Variants in TRMT10A observed in about 807,000 individuals in gnomAD.
TRMT10A encodes tRNA methyltransferase 10 homolog A.
TRMT10A carries 37 observed loss-of-function variants against 40.4 expected under a neutral mutation model. That is an observed-to-expected ratio of 0.92 (90% CI 0.71 to 1.21). TRMT10A has a LOEUF of 1.21. Among genes scored for constraint, TRMT10A ranks in the 50% most tolerant of loss-of-function variants. The pLI is 0.00. For missense variants in TRMT10A, 388 were observed against 404.3 expected (o/e 0.96, Z 0.35); for synonymous variants, 103 against 134.1 (o/e 0.77, Z 1.60).
At position 99,564,037 on chromosome 4, in the gene TRMT10A, AG is replaced by A. The variant is rs550883140; in HGVS notation, c.-149del. The A allele has an allele frequency of 1.2e-3, 1,831 of 1,527,764 alleles. 13 individuals carry two copies. In the African/African-American group the frequency reaches 0.019, roughly 16 times the overall value. The allele number at this position is 1,527,764 out of a possible 1,614,324, so 94.6% of individuals were successfully genotyped here. Reference sequence around the variant, plus strand: ...CCAGAGGCAGGGGCGGTAGTTACGCAGTGGAGGCTACGGCGGTTGCGTCTTA... The same window carrying A: ...CCAGAGGCAGGGGCGGTAGTTACGCATGGAGGCTACGGCGGTTGCGTCTTA... On this transcript the variant is annotated 5_prime_UTR_variant, in exon 1 of 8. It adds an upstream start codon to the 5' untranslated region. Transcript: ENST00000394876.
chr4:99,559,262 T>C lies in TRMT10A; in HGVS notation c.77A>G (p.Glu26Gly), dbSNP rs1560603452. 1 of 1,613,666 alleles carries C rather than the reference T, an allele frequency of 6.2e-7. No individual in the cohort carries two copies. The highest frequency in any genetic ancestry group is 1.7e-5 in the Admixed American group (1 of 60,022). ...ACCTAATCTTGGCTTCTGGCTCTCC[T>C]CTTGATCTTCATTTATGCCTTGCTT... is the stretch of plus-strand genomic sequence containing the variant. Reference protein sequence around the residue: ...DKKQGINEDQEESQKPRLGEG... With the variant: ...DKKQGINEDQGESQKPRLGEG... The change falls in exon 2 of 8, where the codon GAG becomes GGG. Residue 26 changes from glutamate to glycine, a missense_variant. Coordinates refer to ENST00000394876, the MANE Select transcript of TRMT10A (RefSeq NM_001134665.3).
At chr4:99,554,039 G>T in intron 5 of TRMT10A, 105 bp from the exon 6 acceptor site, 1 of 1,167,098 alleles carries the variant, frequency 8.6e-7, no homozygotes, top group South Asian at 1.4e-5. Flanking sequence ...AAAAATATAT[G>T]AAACAAAGTT....
At position 99,562,515 on chromosome 4, in the gene TRMT10A, CTTTTTT is replaced by C. The variant is rs67816425; in HGVS notation, c.-24+1392_-24+1397del. The stretch of plus-strand genomic sequence containing the variant: ...CTTGACAGCGATAGCAAAGGAATGC[CTTTTTT>C]TTTTTTTTTTTTTTTTTTTTTTGAG... On this transcript the variant is annotated intron_variant, in intron 1 of 7. Transcript: ENST00000394876. Among the ~76,000 whole-genome samples, 133 of 76,658 alleles carry C rather than the reference CTTTTTT, an allele frequency of 1.7e-3. 1 individual carries two copies. Among genetic ancestry groups the C allele is most frequent in the African/African-American group, 6.8e-3 (115 of 16,822 alleles). 50.3% of individuals were successfully genotyped at this position (76,658 alleles called of 152,430 possible). A position where few individuals can be genotyped will look rare whatever the true frequency, so the allele number is the denominator to read the frequency against.
chr4:99,563,347 A>C (rs1222500641), intron 1 of TRMT10A: 1 of 153,436 alleles, frequency 6.5e-6, no homozygotes, highest in Non-Finnish European at 1.5e-5. Flanking sequence ...TCTTTATAAA[A>C]CTGTCCTCAG....
intron 6 of TRMT10A, among the ~76,000 whole-genome samples, chr4:99,553,576 G>C (rs768245167): frequency 6.6e-6 from 1 of 152,126 alleles, no homozygotes; most frequent in African/African-American, 2.4e-5. Context: ...CTTGTGGAAC[G>C]TAAATAATAA....
chr4:99,560,701 C>G (rs570225482), intron 1 of TRMT10A, among the ~76,000 whole-genome samples: 96 of 152,066 alleles, frequency 6.3e-4, no homozygotes, highest in African/African-American at 2.1e-3. Context: ...ATTTTGATCC[C>G]CTGGATCACT....
At chr4:99,563,458 G>A (rs1317669646) in intron 1 of TRMT10A, 1 of 170,046 alleles carries the variant, frequency 5.9e-6, no homozygotes, top group Admixed American at 5.9e-5. Flanking sequence ...CAGCTTTAAA[G>A]AGGTAAAGCC....
At chr4:99,557,719 T>A in intron 3 of TRMT10A, 1 of 398,694 alleles carries the variant, frequency 2.5e-6, no homozygotes, top group Non-Finnish European at 4.5e-6. Context: ...TATTACTATT[T>A]TCATGTTTTA....
chr4:99,556,538 C>CT (rs67490132), intron 4 of TRMT10A, among the ~76,000 whole-genome samples: 29,626 of 151,702 alleles, frequency 0.2, 2,982 homozygotes, highest in South Asian at 0.3. Context: ...TCCCACTCCT[C>CT]TTTTTTTTAA....
chr4:99,551,642 G>A (rs964573242), intron 6 of TRMT10A, among the ~76,000 whole-genome samples: 7 of 151,542 alleles, frequency 4.6e-5, no homozygotes, highest in African/African-American at 1.7e-4. Flanking sequence ...ACTTTTTATC[G>A]TTAGAGTGTA....
intron 1 of TRMT10A, among the ~76,000 whole-genome samples, chr4:99,563,145 C>T (rs1288770363): frequency 6.6e-6 from 1 of 152,158 alleles, no homozygotes; most frequent in East Asian, 1.9e-4. Context: ...AAAAGACATG[C>T]GGACTAAACG....
At chr4:99,550,526 A>G (rs1361835210) in intron 7 of TRMT10A, among the ~76,000 whole-genome samples, 1 of 152,200 alleles carries the variant, frequency 6.6e-6, no homozygotes, top group Non-Finnish European at 1.5e-5. Context: ...GACATAAAAA[A>G]TAAAGTAATA....
intron 6 of TRMT10A, among the ~76,000 whole-genome samples, chr4:99,551,918 A>G (rs1723979695): frequency 6.7e-6 from 1 of 148,688 alleles, no homozygotes; most frequent in African/African-American, 2.5e-5. Context: ...TGAAAAAAAA[A>G]GAGGAAAATT....
chr4:99,557,569 TC>T (rs1415116653), intron 3 of TRMT10A, 153 bp from the exon 4 acceptor site: 1 of 607,354 alleles, frequency 1.6e-6, no homozygotes, highest in African/African-American at 1.9e-5. Flanking sequence ...TTATTTGATT[TC>T]CTTACATACT....
At chr4:99,553,594 A>G (rs1396891852) in intron 6 of TRMT10A, among the ~76,000 whole-genome samples, 191 bp downstream of exon 6, 2 of 152,180 alleles carry the variant, frequency 1.3e-5, no homozygotes, top group African/African-American at 4.8e-5. Context: ...TAATAGCACT[A>G]ATCTCACTGG....
At chr4:99,560,102 T>G (rs1445468597) in intron 1 of TRMT10A, among the ~76,000 whole-genome samples, 12 of 152,056 alleles carry the variant, frequency 7.9e-5, no homozygotes, top group Admixed American at 7.9e-4. Context: ...TGAGGGAAAC[T>G]ACAAAAAGAC....
rs899096592 is a variant in TRMT10A at position 99,547,523 on chromosome 4, GTAAAA to G, written c.*1560_*1564del. ...CCCTATTTTACATAAAATAATTTAA[GTAAAA>G]GGCATAATATTTCATGCTAATAAAC... is the stretch of plus-strand genomic sequence containing the variant. On this transcript the variant is annotated 3_prime_UTR_variant, in exon 8 of 8. Transcript: ENST00000394876. 1.6e-4 allele frequency: 25 copies of G among 152,022 alleles called. No individual in the cohort carries two copies. Among genetic ancestry groups the G allele is most frequent in the Admixed American group, 7.9e-4 (12 of 15,246 alleles). The allele number at this position is 152,022 out of a possible 1,614,324, so 9.4% of individuals were successfully genotyped here.
chr4:99,560,490 G>A (rs1480572952), intron 1 of TRMT10A, among the ~76,000 whole-genome samples: 2 of 151,804 alleles, frequency 1.3e-5, no homozygotes, highest in Non-Finnish European at 1.5e-5. Flanking sequence ...TAATATGGAG[G>A]AGCAGTAAAG....
At chr4:99,559,584 T>C (rs966490445) in intron 1 of TRMT10A, among the ~76,000 whole-genome samples, 12 of 152,164 alleles carry the variant, frequency 7.9e-5, no homozygotes, top group South Asian at 6.2e-4. Flanking sequence ...CTGGTGGTCA[T>C]GGTACAATTT....
Sources: gnomAD v4.1 joint callset for allele counts (sites outside exome capture counted in the v4.1 genomes callset) on GRCh38, gnomAD v4.1.1 for gene constraint, MANE v1.5 for transcripts, NCBI Gene and HGNC (gene_info 2026-07-23, HGNC 2026-07-21) for gene names.